The following PDHB variants were observed in gnomAD, a reference collection of about 807,000 sequenced individuals.
PDHB encodes pyruvate dehydrogenase E1 component subunit beta, mitochondrial.
In PDHB, 17 loss-of-function variants were observed where a neutral mutation model predicts 42.8. The ratio of observed to expected loss-of-function variants is 0.40; its 90% CI spans 0.27 to 0.60. PDHB has a LOEUF of 0.60. PDHB is among the 20% of genes least tolerant of loss of function. The pLI, the probability that PDHB is intolerant of heterozygous loss-of-function variation, is 0.46. For missense variants in PDHB, 322 were observed against 451.3 expected (o/e 0.71, Z 2.60); for synonymous variants, 154 against 148.7 (o/e 1.04, Z -0.26).
Position 58,431,694 on chromosome 3 carries a change from A to G in PDHB, c.267+37T>C. The G allele has an allele frequency of 5.0e-6, 8 of 1,597,398 alleles. No homozygotes were observed. The highest frequency in any genetic ancestry group is 6.9e-6 in the Non-Finnish European group (8 of 1,164,662). ...ATGAGGATAATGGACACTAACAGAC[A>G]TGCCCTCCAGGGTCTGCTTCCCACT... On this transcript the variant is annotated intron_variant, in intron 4 of 9. Transcript: ENST00000302746. This position sits in a 1 kb window ranked among gnomAD's most constrained non-coding sequence, Gnocchi z 4.4.
intron 8 of PDHB, among the ~76,000 whole-genome samples, chr3:58,429,362 G>A (rs2062901046): frequency 6.6e-6 from 1 of 151,860 alleles, no homozygotes; most frequent in African/African-American, 2.4e-5. Flanking sequence ...CATCACTTGG[G>A]CCCAGGAGTT....
rs2062941219 is a variant in PDHB at position 58,433,452 on chromosome 3, C to T, written c.96+179G>A. 3 of 669,286 alleles carry T rather than the reference C, an allele frequency of 4.5e-6. No individual in the cohort carries two copies. In the Admixed American group the frequency reaches 7.1e-5, roughly 16 times the overall value. The allele number at this position is 669,286 out of a possible 1,614,324, so 41.5% of individuals were successfully genotyped here. On this transcript the variant is annotated intron_variant, in intron 2 of 9. Coordinates refer to ENST00000302746, the MANE Select transcript of PDHB (RefSeq NM_000925.4). ...CAGCCAGCTGTGAGGTGGTGACTCG[C>T]CGGTGTGCTAATTGCCAGGCGGCGA...
At chr3:58,432,288 G>A in intron 2 of PDHB, 2 of 403,712 alleles carry the variant, frequency 5.0e-6, no homozygotes. Flanking sequence ...AGGAAGGAGA[G>A]GAGAATTAAC....
At chr3:58,430,309 A>C in intron 6 of PDHB, 71 bp from the exon 7 acceptor site, 1 of 1,020,426 alleles carries the variant, frequency 9.8e-7, no homozygotes, top group South Asian at 1.3e-5. Flanking sequence ...ATAGAAAGCA[A>C]TATCATTCAT....
intron 7 of PDHB, 80 bp downstream of exon 7, chr3:58,430,048 G>A (rs1389706551): frequency 3.5e-6 from 3 of 868,846 alleles, no homozygotes; most frequent in Non-Finnish European, 3.9e-6. Flanking sequence ...CAAAGTAAAT[G>A]ACAGTAACTT....
At position 58,431,779 on chromosome 3, in the gene PDHB, C is replaced by T. The variant is rs1388871107; in HGVS notation, c.219G>A (p.Leu73=). 2 of 1,613,812 alleles carry T rather than the reference C, an allele frequency of 1.2e-6. No individual in the cohort carries two copies. Among genetic ancestry groups the T allele is most frequent in the East Asian group, 2.2e-5 (1 of 44,868 alleles). Residue 73 remains leucine, a synonymous_variant, in exon 4 of 10, where the codon CTG becomes CTA. Transcript: ENST00000302746. The surrounding 1 kb of genome is among the most constrained non-coding windows in gnomAD (Gnocchi z 4.4). The part of the protein sequence containing the change: ...YDGAYKVSRG[L]WKKYGDKRII... ...TCCTCTTGTCTCCATATTTCTTCCA[C>T]AGCCCTCGACTAACCTACAATTAAG...
In PDHB at chr3:58,431,819, G is replaced by C. The variant is rs1327380101; in HGVS notation, c.205-26C>G. 1 of 1,606,962 alleles carries C rather than the reference G, an allele frequency of 6.2e-7. No individual in the cohort carries two copies. The highest frequency in any genetic ancestry group is 1.7e-5 in the Admixed American group (1 of 60,012). On this transcript the variant is annotated intron_variant, in intron 3 of 9. Transcript: ENST00000302746. The surrounding 1 kb of genome is among the most constrained non-coding windows in gnomAD (Gnocchi z 4.4). The stretch of plus-strand genomic sequence containing the variant: ...CTACAATTAAGAGTTGATCCCTTAA[G>C]TGTATCTGGGGGTAACAGTGACCTC...
At chr3:58,433,441 G>T in intron 2 of PDHB, 190 bp downstream of exon 2, 1 of 640,550 alleles carries the variant, frequency 1.6e-6, no homozygotes, top group Non-Finnish European at 2.8e-6. Flanking sequence ...CAGCTGTGAG[G>T]TGGTGACTCG....
In PDHB at chr3:58,431,086, A is replaced by G. The variant is rs1206830006; in HGVS notation, c.304-144T>C. The G allele has an allele frequency of 1.1e-5, 9 of 825,272 alleles. No homozygotes were observed. The highest frequency in any genetic ancestry group is 2.7e-5 in the East Asian group (1 of 37,598). 51.1% of individuals were successfully genotyped at this position (825,272 alleles called of 1,614,324 possible). On this transcript the variant is annotated intron_variant, in intron 5 of 9. Transcript: ENST00000302746. The surrounding 1 kb of genome is among the most constrained non-coding windows in gnomAD (Gnocchi z 4.4). The stretch of plus-strand genomic sequence containing the variant: ...TATGGACAGGGTCTCACTGTCACCC[A>G]TGCTGGAGTGCAGTGGCACACATCA...
At position 58,431,981 on chromosome 3, in the gene PDHB, T is replaced by A; in HGVS notation, c.100A>T (p.Thr34Ser). Reference sequence around the variant, plus strand: ...CCCTGATTTATAGCATCACGAACTGTCACCTGTCACAGGTATGCAAAAACA... The same window carrying A: ...CCCTGATTTATAGCATCACGAACTGACACCTGTCACAGGTATGCAAAAACA... The part of the protein sequence containing the change: ...HWTAPAALQV[T>S]VRDAINQGMD... The change falls in exon 3 of 10, where the codon ACA becomes TCA. Residue 34 changes from threonine to serine, a missense_variant. Transcript: ENST00000302746. This position sits in a 1 kb window ranked among gnomAD's most constrained non-coding sequence, Gnocchi z 4.4. The A allele has an allele frequency of 6.2e-7, 1 of 1,606,298 alleles. No individual in the cohort carries two copies. The highest frequency in any genetic ancestry group is 8.5e-7 in the Non-Finnish European group (1 of 1,172,780).
chr3:58,430,049 A>C lies in PDHB; in HGVS notation c.700+79T>G, dbSNP rs2062906904. On this transcript the variant is annotated intron_variant, in intron 7 of 9. Transcript: ENST00000302746. ...TATAATTTTTCAGTCAAAGTAAATG[A>C]CAGTAACTTCTAGATTAAATTTTAC... is the stretch of plus-strand genomic sequence containing the variant. The C allele has an allele frequency of 9.2e-6, 8 of 872,970 alleles. No individual in the cohort carries two copies. In the South Asian group the frequency reaches 1.1e-4, roughly 12 times the overall value. The allele number at this position is 872,970 out of a possible 1,614,324, so 54.1% of individuals were successfully genotyped here.
chr3:58,433,793 C>G lies in PDHB; in HGVS notation c.17G>C (p.Gly6Ala). 1 of 1,611,810 alleles carries G rather than the reference C, an allele frequency of 6.2e-7. No homozygotes were observed. Among genetic ancestry groups the G allele is most frequent in the African/African-American group, 1.3e-5 (1 of 75,018 alleles). The part of the protein sequence containing the change: MAAVS[G>A]LVRRPLREVS... ...CTCCCGAAGGGGTCTCCGCACCAAG[C>G]CAGACACCGCCGCCATCTTGGTCGT... Residue 6 changes from glycine (G) to alanine (A), a missense_variant, in exon 1 of 10, where the codon GGC becomes GCC. Physicochemically the swap from Gly to Ala is moderately conservative, Grantham distance 60. Around this residue, in one of 3 missense-constraint regions of PDHB, gnomAD observed 58 missense variants for 42.1 expected, o/e 1.38. Coordinates refer to ENST00000302746, the MANE Select transcript of PDHB (RefSeq NM_000925.4).
chr3:58,427,947 G>T lies in PDHB; in HGVS notation c.*87C>A, dbSNP rs767589310. On this transcript the variant is annotated 3_prime_UTR_variant, in exon 10 of 10. Transcript: ENST00000302746. ...TGCTTTAGAAATCGTTTTCCGTTAT[G>T]AATAGTCAGGTCTTGCAGTACAAAT... 1 of 980,826 alleles carries T rather than the reference G, an allele frequency of 1.0e-6. No homozygotes were observed. Among genetic ancestry groups the T allele is most frequent in the Non-Finnish European group, 1.6e-6 (1 of 626,914 alleles). 60.8% of individuals were successfully genotyped at this position (980,826 alleles called of 1,614,324 possible).
chr3:58,432,092 C>G (rs527914728), intron 2 of PDHB, 108 bp from the exon 3 acceptor site: 1 of 747,104 alleles, frequency 1.3e-6, no homozygotes, highest in South Asian at 1.5e-5. Context: ...TATAAAAACA[C>G]TAGAACAAGC....
chr3:58,432,064 G>A, intron 2 of PDHB, 80 bp from the exon 3 acceptor site: 1 of 897,176 alleles, frequency 1.1e-6, no homozygotes, highest in Non-Finnish European at 1.9e-6. Flanking sequence ...ATTTACCTAG[G>A]CTGCCCACAG....
At position 58,428,485 on chromosome 3, in the gene PDHB, T is replaced by G; in HGVS notation, c.922A>C (p.Arg308=). 1 of 1,614,190 alleles carries G rather than the reference T, an allele frequency of 6.2e-7. No individual in the cohort carries two copies. Among genetic ancestry groups the G allele is most frequent in the Non-Finnish European group, 8.5e-7 (1 of 1,180,020 alleles). The change falls in exon 9 of 10, where the codon AGG becomes CGG. Residue 308 remains arginine (R), a synonymous_variant. Transcript: ENST00000302746. ...QFGVGAEICA[R]IMEGPAFNFL... ...TTCTTTGAAATACCTTCCATGATCCTGGCACAGATTTCAGCTCCTACTCCA... is the reference window on the plus strand; with the variant it reads ...TTCTTTGAAATACCTTCCATGATCCGGGCACAGATTTCAGCTCCTACTCCA...
Position 58,428,171 on chromosome 3 carries a change from A to C in PDHB, c.943T>G (p.Phe315Val). The C allele has an allele frequency of 6.2e-7, 1 of 1,614,122 alleles. No homozygotes were observed. Among genetic ancestry groups the C allele is most frequent in the Non-Finnish European group, 8.5e-7 (1 of 1,179,940 alleles). The change falls in exon 10 of 10, where the codon TTC becomes GTC. Residue 315 changes from phenylalanine to valine, a missense_variant. Coordinates refer to ENST00000302746, the MANE Select transcript of PDHB (RefSeq NM_000925.4). ...ACAGCAGGAGCATCCAGGAAATTGAACGCAGGACCTAGGAGAAGGAAGGCT... is the reference window on the plus strand; with the variant it reads ...ACAGCAGGAGCATCCAGGAAATTGACCGCAGGACCTAGGAGAAGGAAGGCT... ...ICARIMEGPAFNFLDAPAVRV... is the reference protein window; with the variant it reads ...ICARIMEGPAVNFLDAPAVRV...
chr3:58,428,344 A>G (rs765951512), intron 9 of PDHB, 129 bp downstream of exon 9: 2 of 1,278,166 alleles, frequency 1.6e-6, no homozygotes, highest in South Asian at 2.4e-5. Context: ...GAGAAATGCC[A>G]AACTTACAAG....
Position 58,431,306 on chromosome 3 carries a change from T to TG in PDHB, c.303+286dup. The TG allele has an allele frequency of 2.1e-6, 1 of 469,048 alleles. No homozygotes were observed. The highest frequency in any genetic ancestry group is 3.9e-6 in the Non-Finnish European group (1 of 258,086). 29.1% of individuals were successfully genotyped at this position (469,048 alleles called of 1,614,324 possible). A position where few individuals can be genotyped will look rare whatever the true frequency, so the allele number is the denominator to read the frequency against. Reference sequence around the variant, plus strand: ...GCTCACGCCTGTAATCCCAGCACTTTGGGAGGCCAAGGCGGTCGGATCACT... The same window carrying TG: ...GCTCACGCCTGTAATCCCAGCACTTTGGGGAGGCCAAGGCGGTCGGATCACT... On this transcript the variant is annotated intron_variant, in intron 5 of 9. Transcript: ENST00000302746. The surrounding 1 kb of genome is among the most constrained non-coding windows in gnomAD (Gnocchi z 4.4).
Sources: gnomAD v4.1 joint callset for allele counts (sites outside exome capture counted in the v4.1 genomes callset) on GRCh38, gnomAD v4.1.1 for gene constraint, gnomAD v4.1.1 regional missense constraint, Gnocchi (gnomAD v3.1) non-coding constraint, MANE v1.5 for transcripts, NCBI Gene and HGNC (gene_info 2026-07-23, HGNC 2026-07-21) for gene names.